The following STK4 variants were observed in gnomAD, a reference collection of about 807,000 sequenced individuals.
STK4 encodes serine/threonine-protein kinase 4.
In STK4, 30 loss-of-function variants were observed where a neutral mutation model predicts 64.9. The observed-to-expected ratio is 0.46, with a 90% CI of 0.35 to 0.63. STK4 has a LOEUF of 0.63. Ranked by LOEUF, STK4 falls within the 20% of genes least tolerant of loss-of-function variation. STK4 has a pLI of 0.01. For missense variants in STK4, 466 were observed against 598.5 expected, an observed-to-expected ratio of 0.78 and a Z score of 2.31; for synonymous variants, 177 against 199.0, an observed-to-expected ratio of 0.89 and a Z score of 0.93.
At chr20:45,024,803 A>G (rs1284269111) in intron 9 of STK4, among the ~76,000 whole-genome samples, 170 bp from the exon 10 acceptor site, 1 of 152,166 alleles carries the variant, frequency 6.6e-6, no homozygotes, top group Non-Finnish European at 1.5e-5. Flanking sequence ...TTTTTTGGGC[A>G]AGGATTTGTG....
At chr20:45,023,962 G>A (rs797014142) in intron 9 of STK4, among the ~76,000 whole-genome samples, 13 of 144,930 alleles carry the variant, frequency 9.0e-5, no homozygotes, top group African/African-American at 2.6e-4. Flanking sequence ...GTGCAGTGGC[G>A]CGATCTCAGC....
chr20:45,039,226 A>T (rs2068574560), intron 10 of STK4, among the ~76,000 whole-genome samples: 1 of 152,052 alleles, frequency 6.6e-6, no homozygotes, highest in Admixed American at 6.6e-5. Context: ...CTCACACATG[A>T]TTTTGTAACA....
At chr20:45,067,336 T>A (rs1979664977) in intron 10 of STK4, among the ~76,000 whole-genome samples, 1 of 152,174 alleles carries the variant, frequency 6.6e-6, no homozygotes, top group Non-Finnish European at 1.5e-5. Flanking sequence ...GTTTGAGAAA[T>A]CCTGTTTGTG....
At chr20:45,024,883 A>G (rs1246418814) in intron 9 of STK4, 90 bp from the exon 10 acceptor site, 15 of 1,277,000 alleles carry the variant, frequency 1.2e-5, no homozygotes, top group Middle Eastern at 2.2e-4. Flanking sequence ...TGATCCAGAG[A>G]TTGTAGCCCA....
In STK4 at chr20:45,001,313, G is replaced by A. The variant is rs779909220; in HGVS notation, c.1107G>A (p.Val369=). The change falls in exon 9 of 11, where the codon GTG becomes GTA. Residue 369 remains valine (V), a synonymous_variant. Transcript: ENST00000372806. ...DTLPSQLGTM[V]INAEDEEEEG... ...TGCCATCACAACTGGGCACCATGGT[G>A]ATCAATGCAGAGGATGAGGAAGAGG... is the stretch of plus-strand genomic sequence containing the variant. The A allele has an allele frequency of 1.9e-6, 3 of 1,614,076 alleles. No individual in the cohort carries two copies. The South Asian group carries it at 3.3e-5, about 18-fold the overall frequency.
At chr20:45,010,797 T>G (rs904428358) in intron 9 of STK4, among the ~76,000 whole-genome samples, 4 of 152,200 alleles carry the variant, frequency 2.6e-5, no homozygotes, top group African/African-American at 7.2e-5. Context: ...TGCTGGTTAT[T>G]TTGATAACCA....
chr20:44,987,324 A>T (rs754977630), intron 5 of STK4, 28 bp downstream of exon 5: 2 of 1,586,326 alleles, frequency 1.3e-6, no homozygotes, highest in South Asian at 2.3e-5. Context: ...TTGTATTGAT[A>T]ATTTTCATTT....
Position 44,986,744 on chromosome 20 carries a change from T to A in STK4, c.361-388T>A, listed in dbSNP as rs570017082. Among the ~76,000 whole-genome samples the A allele has an allele frequency of 2.6e-5, 4 of 152,302 alleles. No homozygotes were observed. The South Asian group carries it at 8.3e-4, about 32-fold the overall frequency. On this transcript the variant is annotated intron_variant, in intron 4 of 10. Transcript: ENST00000372806. ...TTTGAAGATAGAGAAAAGTCAAGGA[T>A]GACTTCAAGGTTTTTGACCAGAGCA...
intron 10 of STK4, among the ~76,000 whole-genome samples, chr20:45,064,690 G>A (rs998465220): frequency 2.0e-5 from 3 of 151,896 alleles, no homozygotes; most frequent in Non-Finnish European, 4.4e-5. Flanking sequence ...TATTTCCCTG[G>A]TATTTTATTT....
At position 45,079,672 on chromosome 20, in the gene STK4, TA is replaced by T. The variant is rs1280738646; in HGVS notation, c.*4501del. 7 of 152,688 alleles carry T rather than the reference TA, an allele frequency of 4.6e-5. No homozygotes were observed. Among genetic ancestry groups the T allele is most frequent in the African/African-American group, 1.7e-4 (7 of 41,468 alleles). 9.5% of individuals were successfully genotyped at this position (152,688 alleles called of 1,614,324 possible). ...TTAAATGTTTTTGCTATGTACAGTT[TA>T]AAAATGTGAAGTTTGTAGCTTTAAC... On this transcript the variant is annotated 3_prime_UTR_variant, in exon 11 of 11. Transcript: ENST00000372806.
chr20:45,012,614 CTT>C (rs1265945450), intron 9 of STK4, among the ~76,000 whole-genome samples: 1 of 151,954 alleles, frequency 6.6e-6, no homozygotes, highest in Admixed American at 6.6e-5. Flanking sequence ...GTTTAAAAAA[CTT>C]TTGTTTCTAA....
chr20:45,072,284 C>T (rs1439823674), intron 10 of STK4, among the ~76,000 whole-genome samples: 1 of 152,130 alleles, frequency 6.6e-6, no homozygotes, highest in African/African-American at 2.4e-5. Context: ...AGGAGGAGAA[C>T]GGGCTTGCCC....
At chr20:44,966,625 G>A (rs1230120939) in intron 1 of STK4, 22 bp downstream of exon 1, 1 of 1,273,084 alleles carries the variant, frequency 7.9e-7, no homozygotes, top group South Asian at 3.1e-5. Flanking sequence ...CTGGCTAAGA[G>A]GACGGGCATG....
chr20:45,027,713 TTCTC>T (rs374706676), intron 10 of STK4, among the ~76,000 whole-genome samples: 212 of 152,266 alleles, frequency 1.4e-3, no homozygotes, highest in Non-Finnish European at 2.6e-3. Context: ...AACTTATTCC[TTCTC>T]TCTGACATAT....
intron 9 of STK4, among the ~76,000 whole-genome samples, chr20:45,011,860 A>G (rs1244755374): frequency 6.6e-6 from 1 of 150,668 alleles, no homozygotes; most frequent in Non-Finnish European, 1.5e-5. Context: ...TATGAGCTCT[A>G]GTAGTCTGTT....
At chr20:45,042,890 G>T (rs1363183406) in intron 10 of STK4, among the ~76,000 whole-genome samples, 1 of 152,062 alleles carries the variant, frequency 6.6e-6, no homozygotes, top group Non-Finnish European at 1.5e-5. Flanking sequence ...AGGATGTGCT[G>T]GTTTTTTACA....
chr20:44,972,366 T>C (rs141773202), intron 2 of STK4: 62 of 460,536 alleles, frequency 1.3e-4, no homozygotes, highest in Non-Finnish European at 1.7e-4. Context: ...GAATATCTAT[T>C]GTTTTCTCTT....
chr20:45,005,138 C>A (rs1180078753), intron 9 of STK4, among the ~76,000 whole-genome samples: 1 of 152,018 alleles, frequency 6.6e-6, no homozygotes, highest in Non-Finnish European at 1.5e-5. Context: ...TTACCTTAAT[C>A]CCCTCTCTCC....
At position 45,027,296 on chromosome 20, in the gene STK4, G is replaced by T. The variant is rs1285693983; in HGVS notation, c.1305+2166G>T. 1.4e-4 allele frequency among the ~76,000 whole-genome samples: 21 copies of T among 152,058 alleles called. No homozygotes were observed. The East Asian group carries it at 3.9e-3, about 28-fold the overall frequency. The stretch of plus-strand genomic sequence containing the variant: ...ATACAAAAAAATCAGCCAGTGTGGT[G>T]GTGCATGCCTGTAATCCCAGCTACT... On this transcript the variant is annotated intron_variant, in intron 10 of 10. Transcript: ENST00000372806.
Sources: allele counts gnomAD v4.1 joint callset (sites outside exome capture counted in the v4.1 genomes callset), GRCh38; gene constraint gnomAD v4.1.1; transcripts MANE v1.5; gene names NCBI Gene and HGNC (gene_info 2026-07-23, HGNC 2026-07-21).